The following ZC3H12B variants were observed in gnomAD, a reference collection of about 807,000 sequenced individuals.
ZC3H12B encodes probable ribonuclease ZC3H12B.
ZC3H12B carries 7 observed loss-of-function variants against 43.9 expected under a neutral mutation model. That is an observed-to-expected ratio of 0.16 (90% CI 0.09 to 0.30). The LOEUF is 0.30. Ranked by LOEUF, ZC3H12B falls within the 10% of genes least tolerant of loss-of-function variation. The pLI is 1.00. For missense variants in ZC3H12B, 475 were observed against 670.2 expected, an observed-to-expected ratio of 0.71 and a Z score of 3.22; for synonymous variants, 222 against 241.7, an observed-to-expected ratio of 0.92 and a Z score of 0.76.
At chrX:65,463,610 C>A (rs920097293) in intron 3 of ZC3H12B, among the ~76,000 whole-genome samples, 1 of 111,207 alleles carries the variant, frequency 9.0e-6, no homozygotes, top group Non-Finnish European at 1.9e-5. Flanking sequence ...TTCCTTGCCT[C>A]TCCAGCTTTT....
At chrX:65,169,477 G>A in the ZC3H12B span, among the ~76,000 whole-genome samples, 1 of 111,966 alleles carries the variant, frequency 8.9e-6, no homozygotes, top group African/African-American at 3.2e-5. Context: ...TTTGGAATAA[G>A]TGCAATATGG....
At chrX:65,231,645 T>G in the ZC3H12B span, among the ~76,000 whole-genome samples, 24 of 111,224 alleles carry the variant, frequency 2.2e-4, no homozygotes, top group South Asian at 8.9e-3. Context: ...CTCTCCTACT[T>G]GCACATCCAT....
At chrX:65,211,087 AG>A in the ZC3H12B span, among the ~76,000 whole-genome samples, 140 of 81,036 alleles carry the variant, frequency 1.7e-3, no homozygotes, top group African/African-American at 0.01. Flanking sequence ...AAAAAAAGAA[AG>A]AAAAAAAAAA....
chrX:65,357,028 A>G, the ZC3H12B span: 1 of 569,599 alleles, frequency 1.8e-6, no homozygotes. Context: ...ACCTAAAATG[A>G]AAGTTCCACC....
At chrX:65,408,233 G>A in intron 3 of ZC3H12B, 3 of 1,185,178 alleles carry the variant, frequency 2.5e-6, no homozygotes, top group South Asian at 3.6e-5. Flanking sequence ...TGAGTAACCG[G>A]CAAGTGAAAA....
At chrX:65,055,543 T>G in the ZC3H12B span, among the ~76,000 whole-genome samples, 1 of 111,809 alleles carries the variant, frequency 8.9e-6, no homozygotes, top group East Asian at 2.8e-4. Context: ...TGGTCTAAAA[T>G]TCTCTTTGTT....
chrX:65,207,289 T>A, the ZC3H12B span, among the ~76,000 whole-genome samples: 1 of 108,339 alleles, frequency 9.2e-6, no homozygotes, highest in Non-Finnish European at 1.9e-5. Flanking sequence ...CACACCGTGG[T>A]CTACTACTCA....
At chrX:65,399,362 T>C (rs1602382149) in intron 3 of ZC3H12B, among the ~76,000 whole-genome samples, 1 of 112,238 alleles carries the variant, frequency 8.9e-6, no homozygotes, top group Non-Finnish European at 1.9e-5. Context: ...GATTTTAAAA[T>C]GGGTGAAAGT....
the ZC3H12B span, among the ~76,000 whole-genome samples, chrX:65,093,062 G>T: frequency 6.3e-5 from 7 of 111,976 alleles, no homozygotes; most frequent in African/African-American, 2.3e-4. Flanking sequence ...AGAAGCTCTA[G>T]CTCCAGCTGT....
chrX:65,294,276 G>T, the ZC3H12B span, among the ~76,000 whole-genome samples: 4 of 111,433 alleles, frequency 3.6e-5, no homozygotes, highest in African/African-American at 9.8e-5. Context: ...ATAAAGGAAA[G>T]ATATAGTCCC....
chrX:65,064,599 A>G, the ZC3H12B span, among the ~76,000 whole-genome samples: 1 of 110,111 alleles, frequency 9.1e-6, no homozygotes, highest in Non-Finnish European at 1.9e-5. Flanking sequence ...AATAAGTGCT[A>G]TGAGGAGAAT....
At chrX:65,450,713 ATG>A (rs1192675664) in intron 3 of ZC3H12B, among the ~76,000 whole-genome samples, 1 of 35,160 alleles carries the variant, frequency 2.8e-5, no homozygotes, top group Non-Finnish European at 3.7e-5. Flanking sequence ...ATATATGTAT[ATG>A]TATACATATG....
At chrX:65,332,325 G>A in the ZC3H12B span, among the ~76,000 whole-genome samples, 1 of 110,916 alleles carries the variant, frequency 9.0e-6, no homozygotes, top group African/African-American at 3.3e-5. Flanking sequence ...ATGTCCAGGG[G>A]CATGCTTAAC....
chrX:65,363,552 C>G (rs2066132019), upstream of ZC3H12B, among the ~76,000 whole-genome samples: 1 of 111,841 alleles, frequency 8.9e-6, no homozygotes, highest in African/African-American at 3.3e-5. Flanking sequence ...TTCCCCACTC[C>G]TGTTTCCGTT....
chrX:65,430,869 C>T (rs2148108205), intron 3 of ZC3H12B, among the ~76,000 whole-genome samples: 1 of 111,355 alleles, frequency 9.0e-6, no homozygotes, highest in South Asian at 3.8e-4. Flanking sequence ...TGCTTTTCTT[C>T]ATTCTCCATA....
chrX:65,152,031 G>C, the ZC3H12B span, among the ~76,000 whole-genome samples: 1 of 111,676 alleles, frequency 9.0e-6, no homozygotes. Flanking sequence ...AAATTCAACA[G>C]CCCTTCATGC....
At chrX:65,424,210 A>G (rs1384096533) in intron 3 of ZC3H12B, among the ~76,000 whole-genome samples, 1 of 112,031 alleles carries the variant, frequency 8.9e-6, no homozygotes, top group East Asian at 2.8e-4. Context: ...CATTTCTCTA[A>G]TGATCTGTGA....
chrX:65,104,556 T>G, the ZC3H12B span, among the ~76,000 whole-genome samples: 1 of 111,028 alleles, frequency 9.0e-6, no homozygotes, highest in Non-Finnish European at 1.9e-5. Context: ...GAGCTCAAAT[T>G]TACAAGAAAA....
At chrX:65,183,602 A>G in the ZC3H12B span, among the ~76,000 whole-genome samples, 5 of 111,941 alleles carry the variant, frequency 4.5e-5, no homozygotes, top group African/African-American at 1.3e-4. Flanking sequence ...TGGTTGTGGA[A>G]TCAACGTTAC....
Sources: gnomAD v4.1 joint callset for allele counts (sites outside exome capture counted in the v4.1 genomes callset) on GRCh38, gnomAD v4.1.1 for gene constraint, MANE v1.5 for transcripts, NCBI Gene and HGNC (gene_info 2026-07-23, HGNC 2026-07-21) for gene names.